Variants in CES5A observed in about 807,000 individuals in gnomAD.
CES5A encodes the protein carboxylesterase 5A, also known as carboxylesterase 5.
In CES5A, 67 loss-of-function variants were observed where a neutral mutation model predicts 62.9. The observed-to-expected ratio is 1.07, with a 90% CI of 0.88 to 1.31. The LOEUF (loss-of-function observed/expected upper bound fraction) is 1.31, where lower values mean the gene tolerates loss of function less well. Ranked by LOEUF, CES5A falls within the 50% of genes most tolerant of loss-of-function variation. The pLI, the probability that CES5A is intolerant of heterozygous loss-of-function variation, is 0.00. For synonymous variants in CES5A, 296 were observed against 280.8 expected, an observed-to-expected ratio of 1.05 and a Z score of -0.54; for missense variants, 748 against 708.5, an observed-to-expected ratio of 1.06 and a Z score of -0.63.
chr16:55,903,259 ATG>A (rs1250647953), intron 1 of CES5A, among the ~76,000 whole-genome samples: 1 of 152,206 alleles, frequency 6.6e-6, no homozygotes, highest in Non-Finnish European at 1.5e-5. Flanking sequence ...ACACCAGACT[ATG>A]AGATCCAAGG....
rs150411931 is a variant in CES5A at position 55,944,732 on chromosome 16, C to T, written c.160+5053G>A. Among the ~76,000 whole-genome samples the T allele has an allele frequency of 1.1e-4, 17 of 152,336 alleles. No individual in the cohort carries two copies. The East Asian group carries it at 1.2e-3, about 10-fold the overall frequency. On this transcript the variant is annotated intron_variant, in intron 2 of 13. Coordinates refer to the CES5A transcript ENST00000521992. ...GGTCCTGCAGGCTCTGCCCCATCTT[C>T]CCTGGGTACAGCTTCTCTACTTAGG...
At chr16:55,894,693 A>C (rs958515587) in intron 1 of CES5A, among the ~76,000 whole-genome samples, 2 of 152,128 alleles carry the variant, frequency 1.3e-5, no homozygotes, top group Admixed American at 1.3e-4. Context: ...TCTTTACAAT[A>C]ATCAAACATT....
intron 4 of CES5A, among the ~76,000 whole-genome samples, chr16:55,867,430 G>A (rs1403937199): frequency 1.3e-5 from 2 of 152,248 alleles, no homozygotes; most frequent in East Asian, 3.9e-4. Context: ...TAGACCGAAA[G>A]CATGCATGCA....
chr16:55,865,194 G>A (rs2033431375), intron 5 of CES5A, among the ~76,000 whole-genome samples: 2 of 152,002 alleles, frequency 1.3e-5, no homozygotes, highest in South Asian at 2.1e-4. Context: ...CAACAAAAGC[G>A]AAACTCCATC....
intron 1 of CES5A, among the ~76,000 whole-genome samples, chr16:55,885,357 C>T (rs1178219661): frequency 3.3e-5 from 5 of 152,128 alleles, no homozygotes; most frequent in Non-Finnish European, 5.9e-5. Flanking sequence ...AGACCACTTT[C>T]GTTGGTCTGA....
intron 4 of CES5A, among the ~76,000 whole-genome samples, chr16:55,866,461 T>G (rs1295960900): frequency 6.6e-6 from 1 of 151,948 alleles, no homozygotes. Flanking sequence ...AGAGGTGATC[T>G]GTACTAGAAA....
chr16:55,848,126 G>A (rs2033052818), intron 11 of CES5A, among the ~76,000 whole-genome samples: 1 of 151,674 alleles, frequency 6.6e-6, no homozygotes, highest in South Asian at 2.1e-4. Flanking sequence ...CAATTTTTGA[G>A]ACGGGAGTCT....
At chr16:55,882,268 C>G (rs1201364084) in intron 1 of CES5A, among the ~76,000 whole-genome samples, 1 of 152,132 alleles carries the variant, frequency 6.6e-6, no homozygotes. Flanking sequence ...GGACTTATCT[C>G]CTAATGGAAA....
rs115529784 is a variant in CES5A, at chr16:55,860,732, C to T, written c.915+680G>A. ...GTAGAAAGGAGCACATGGAAGAGTT[C>T]GACACATCAGGTCCAGGACTTATTA... On this transcript the variant is annotated intron_variant, in intron 7 of 12. Coordinates refer to ENST00000290567, the MANE Select transcript of CES5A (RefSeq NM_001143685.2). 2.4e-3 allele frequency among the ~76,000 whole-genome samples: 366 copies of T among 152,256 alleles called. 1 individual carries two copies. Among genetic ancestry groups the T allele is most frequent in the South Asian group, 0.023 (113 of 4,818 alleles).
intron 1 of CES5A, among the ~76,000 whole-genome samples, chr16:55,916,980 C>T (rs1219734687): frequency 1.3e-5 from 2 of 152,338 alleles, no homozygotes; most frequent in African/African-American, 4.8e-5. Context: ...TCTCCTGACT[C>T]CTGACACCAC....
At chr16:55,901,328 A>T (rs1337138369) in intron 1 of CES5A, among the ~76,000 whole-genome samples, 2 of 151,996 alleles carry the variant, frequency 1.3e-5, no homozygotes, top group African/African-American at 4.8e-5. Context: ...ATAATTACCC[A>T]GGCTTGGGTA....
At chr16:55,944,642 C>T (rs1407713446) in intron 2 of CES5A, among the ~76,000 whole-genome samples, 2 of 152,194 alleles carry the variant, frequency 1.3e-5, no homozygotes, top group Non-Finnish European at 2.9e-5. Context: ...AAAAAAACTT[C>T]CAGGCTCTTG....
intron 10 of CES5A, among the ~76,000 whole-genome samples, chr16:55,851,508 G>T (rs2033132712): frequency 6.6e-6 from 1 of 152,198 alleles, no homozygotes; most frequent in Non-Finnish European, 1.5e-5. Flanking sequence ...ACAAATGTTG[G>T]TCAAGATGTC....
At chr16:55,918,397 C>T (rs2034168842) in intron 1 of CES5A, among the ~76,000 whole-genome samples, 1 of 152,128 alleles carries the variant, frequency 6.6e-6, no homozygotes, top group South Asian at 2.1e-4. Context: ...TGCTGGCTCC[C>T]TCTTATCTCA....
exon 2 of CES5A, chr16:55,949,811 A>G: frequency 6.6e-7 from 1 of 1,507,604 alleles, no homozygotes; most frequent in Middle Eastern, 1.7e-4. Flanking sequence ...GTAGTTTAAG[A>G]CATCAATCCT....
chr16:55,931,240 C>T (rs1313225482), intron 2 of CES5A, among the ~76,000 whole-genome samples: 1 of 152,218 alleles, frequency 6.6e-6, no homozygotes. Flanking sequence ...CATTCCCTTC[C>T]TGCAGTCTAT....
chr16:55,867,799 A>G (rs1168200119), intron 4 of CES5A, among the ~76,000 whole-genome samples: 1 of 152,190 alleles, frequency 6.6e-6, no homozygotes, highest in Non-Finnish European at 1.5e-5. Context: ...AATGGGGATA[A>G]TGATAGTGCC....
intron 1 of CES5A, among the ~76,000 whole-genome samples, chr16:55,912,873 A>C (rs1212407720): frequency 6.6e-6 from 1 of 152,160 alleles, no homozygotes; most frequent in Non-Finnish European, 1.5e-5. Context: ...TCAGTGTGCA[A>C]GAACTGAGCC....
At chr16:55,848,217 A>T (rs1482654166) in intron 11 of CES5A, among the ~76,000 whole-genome samples, 1 of 152,062 alleles carries the variant, frequency 6.6e-6, no homozygotes, top group East Asian at 1.9e-4. Context: ...TGATCCTCCC[A>T]CCTCAGCCTC....
Sources: gnomAD v4.1 joint callset for allele counts (sites outside exome capture counted in the v4.1 genomes callset) on GRCh38, gnomAD v4.1.1 for gene constraint, MANE v1.5 for transcripts, NCBI Gene and HGNC (gene_info 2026-07-23, HGNC 2026-07-21) for gene names.